PLBD1: variants seen among roughly 807,000 people sequenced by gnomAD.
PLBD1 encodes the protein lysosomal leucine aminopeptidase.
Under a neutral mutation model 63.0 loss-of-function variants are expected in PLBD1, and 60 were observed. The observed-to-expected ratio is 0.95, with a 90% confidence interval of 0.77 to 1.18. The LOEUF (loss-of-function observed/expected upper bound fraction) is 1.18. Ranked by LOEUF, PLBD1 falls within the 50% of genes most tolerant of loss-of-function variation. The pLI, the probability that PLBD1 is intolerant of heterozygous loss-of-function variation, is 0.00. For synonymous variants in PLBD1, 262 were observed against 248.0 expected, an observed-to-expected ratio of 1.06 and a Z score of -0.53; for missense variants, 598 against 677.9, an observed-to-expected ratio of 0.88 and a Z score of 1.31.
At chr12:14,506,289 A>G (rs1945255344) in intron 9 of PLBD1, 21 bp from the exon 10 acceptor site, 1 of 1,526,500 alleles carries the variant, frequency 6.6e-7, no homozygotes. Flanking sequence ...GAAATGGGGA[A>G]GAGAGTGATT....
intron 6 of PLBD1, among the ~76,000 whole-genome samples, chr12:14,519,627 A>G (rs1414209470): frequency 6.6e-6 from 1 of 151,866 alleles, no homozygotes; most frequent in Non-Finnish European, 1.5e-5. Context: ...TTAAAAAAAA[A>G]AAAAAAAAAA....
Position 14,548,645 on chromosome 12 carries a change from G to A in PLBD1, c.335+4548C>T, listed in dbSNP as rs570987324. 1.7e-4 allele frequency among the ~76,000 whole-genome samples: 26 copies of A among 152,200 alleles called. No individual in the cohort carries two copies. In the East Asian group the frequency reaches 2.1e-3, roughly 12 times the overall value. On this transcript the variant is annotated intron_variant, in intron 2 of 10. Transcript: ENST00000240617. ...ACTGACTACTTTCTCTAATTGTGCC[G>A]TGACCTTAGTAGAACCTCTTTTCAT...
At chr12:14,506,471 C>T (rs1292694190) in intron 9 of PLBD1, among the ~76,000 whole-genome samples, 1 of 152,162 alleles carries the variant, frequency 6.6e-6, no homozygotes, top group African/African-American at 2.4e-5. Flanking sequence ...GCCCAGCCTG[C>T]CCTCAAGAAC....
chr12:14,564,779 C>T (rs147260520), intron 1 of PLBD1, among the ~76,000 whole-genome samples: 3 of 152,274 alleles, frequency 2.0e-5, no homozygotes, highest in Admixed American at 6.5e-5. Context: ...TACCAATATA[C>T]ATACCATATT....
intron 1 of PLBD1, among the ~76,000 whole-genome samples, chr12:14,567,245 T>A (rs1945797072): frequency 6.6e-6 from 1 of 152,206 alleles, no homozygotes; most frequent in Non-Finnish European, 1.5e-5. Flanking sequence ...CCCTACAATC[T>A]GGATAAATAT....
chr12:14,560,465 T>C (rs1440908585), intron 1 of PLBD1, among the ~76,000 whole-genome samples: 1 of 152,154 alleles, frequency 6.6e-6, no homozygotes, highest in African/African-American at 2.4e-5. Context: ...TCTATTCATA[T>C]TGGGTTTAGC....
At position 14,537,294 on chromosome 12, in the gene PLBD1, C is replaced by T. The variant is rs576774351; in HGVS notation, c.559-584G>A. Reference sequence around the variant, plus strand: ...TTTCTGTTTGCACTCTACAGCAGTGCTTCTCAACCTTGGCACTATTGACAT... The same window carrying T: ...TTTCTGTTTGCACTCTACAGCAGTGTTTCTCAACCTTGGCACTATTGACAT... On this transcript the variant is annotated intron_variant, in intron 4 of 10. Coordinates refer to ENST00000240617, the MANE Select transcript of PLBD1 (RefSeq NM_024829.6). 3.3e-5 allele frequency among the ~76,000 whole-genome samples: 5 copies of T among 152,178 alleles called. 1 individual carries two copies. Among genetic ancestry groups the T allele is most frequent in the African/African-American group, 1.2e-4 (5 of 41,504 alleles).
At chr12:14,562,459 CAAAA>C (rs58838197) in intron 1 of PLBD1, among the ~76,000 whole-genome samples, 4 of 102,026 alleles carry the variant, frequency 3.9e-5, no homozygotes, top group African/African-American at 1.1e-4. Context: ...GACTCCCTCT[CAAAA>C]AAAAAAAAAA....
intron 4 of PLBD1, among the ~76,000 whole-genome samples, chr12:14,538,162 G>A (rs570402952): frequency 6.1e-4 from 93 of 151,634 alleles, no homozygotes; most frequent in African/African-American, 2.2e-3. Context: ...TGTAAAAATT[G>A]TCCTCACTCT....
At chr12:14,513,382 T>G (rs1376945800) in intron 6 of PLBD1, among the ~76,000 whole-genome samples, 1 of 152,208 alleles carries the variant, frequency 6.6e-6, no homozygotes, top group Non-Finnish European at 1.5e-5. Context: ...TGTTTTTGTT[T>G]TTTCCCAAAG....
chr12:14,544,450 A>T (rs1187190780), intron 2 of PLBD1, among the ~76,000 whole-genome samples: 1 of 152,180 alleles, frequency 6.6e-6, no homozygotes, highest in East Asian at 1.9e-4. Context: ...CTGGGATTAT[A>T]GGAGTGAGCC....
At chr12:14,505,575 C>T (rs1945248085) in intron 10 of PLBD1, among the ~76,000 whole-genome samples, 1 of 152,226 alleles carries the variant, frequency 6.6e-6, no homozygotes, top group African/African-American at 2.4e-5. Flanking sequence ...TTGGTTCCTG[C>T]ATGTCTATAA....
rs1190057993 is a variant in PLBD1 at position 14,533,202 on chromosome 12, T to G, written c.844+2457A>C. ...ATAGTTCTATGTCATGTCTACTGGA[T>G]GAATCCAATGTGGCTGGTCCCTTAA... is the stretch of plus-strand genomic sequence containing the variant. On this transcript the variant is annotated intron_variant, in intron 6 of 10. Transcript: ENST00000240617. The G allele has an allele frequency of 2.0e-5, 3 of 152,270 alleles. No homozygotes were observed. The East Asian group carries it at 5.8e-4, about 29-fold the overall frequency. 9.4% of individuals were successfully genotyped at this position (152,270 alleles called of 1,614,324 possible).
At position 14,517,975 on chromosome 12, in the gene PLBD1, G is replaced by A. The variant is rs370870573; in HGVS notation, c.845-6264C>T. Among the ~76,000 whole-genome samples the A allele has an allele frequency of 2.5e-3, 374 of 152,318 alleles. 2 individuals carry two copies. The highest frequency in any genetic ancestry group is 8.7e-3 in the African/African-American group (362 of 41,566). ...GCAGGCGGATCACTTGAGGCCAGGA[G>A]TTCGAGACCAGCCTGGCCAACATGG... On this transcript the variant is annotated intron_variant, in intron 6 of 10. Transcript: ENST00000240617.
At chr12:14,558,209 T>C (rs577937049) in intron 1 of PLBD1, among the ~76,000 whole-genome samples, 1 of 152,140 alleles carries the variant, frequency 6.6e-6, no homozygotes, top group African/African-American at 2.4e-5. Flanking sequence ...ATGATCTGAG[T>C]AGGCCTAAGT....
At chr12:14,536,759 A>G (rs1406910364) in intron 4 of PLBD1, 49 bp from the exon 5 acceptor site, 1 of 1,599,550 alleles carries the variant, frequency 6.3e-7, no homozygotes, top group Non-Finnish European at 8.5e-7. Flanking sequence ...GACAGACATC[A>G]TTTCCTGTTT....
chr12:14,523,971 C>G (rs1213781903), intron 6 of PLBD1, among the ~76,000 whole-genome samples: 1 of 152,090 alleles, frequency 6.6e-6, no homozygotes, highest in African/African-American at 2.4e-5. Context: ...GAATACTATT[C>G]AGCCATAAAA....
At chr12:14,532,592 C>A (rs1049840128) in intron 6 of PLBD1, among the ~76,000 whole-genome samples, 8 of 152,186 alleles carry the variant, frequency 5.3e-5, no homozygotes, top group Admixed American at 5.2e-4. Flanking sequence ...CTAGAGGAAT[C>A]TGCTTACCAG....
chr12:14,560,601 T>C (rs1592011357), intron 1 of PLBD1, among the ~76,000 whole-genome samples: 2 of 152,202 alleles, frequency 1.3e-5, no homozygotes, highest in Non-Finnish European at 2.9e-5. Flanking sequence ...CTCAGTAAAT[T>C]GATACCTGGT....
Sources: gnomAD v4.1 joint callset for allele counts (sites outside exome capture counted in the v4.1 genomes callset) on GRCh38, gnomAD v4.1.1 for gene constraint, MANE v1.5 for transcripts, NCBI Gene and HGNC (gene_info 2026-07-23, HGNC 2026-07-21) for gene names.